The following CREB3L2 variants were observed in gnomAD, a reference collection of about 807,000 sequenced individuals.
The protein encoded by CREB3L2 is cAMP responsive element binding protein 3 like 2.
CREB3L2 carries 23 observed loss-of-function variants against 57.2 expected under a neutral mutation model. The observed-to-expected ratio is 0.40, with a 90% CI of 0.29 to 0.57. The LOEUF is 0.57. CREB3L2 is among the 20% of genes least tolerant of loss of function. The pLI is 0.42. For missense variants in CREB3L2, 628 were observed against 634.7 expected (o/e 0.99, Z 0.11); for synonymous variants, 268 against 265.1 (o/e 1.01, Z -0.11).
chr7:137,939,129 C>A (rs1800840228), intron 1 of CREB3L2, among the ~76,000 whole-genome samples: 1 of 152,174 alleles, frequency 6.6e-6, no homozygotes, highest in Non-Finnish European at 1.5e-5. Flanking sequence ...CAAGAGTATC[C>A]AACAAGTACC....
At chr7:137,935,710 T>A (rs1466898885) in intron 1 of CREB3L2, among the ~76,000 whole-genome samples, 2 of 152,096 alleles carry the variant, frequency 1.3e-5, no homozygotes, top group Non-Finnish European at 2.9e-5. Flanking sequence ...TTCTATAACA[T>A]CCTAACGAAA....
intron 1 of CREB3L2, among the ~76,000 whole-genome samples, chr7:137,947,066 TC>T (rs11344528): frequency 0.063 from 8,544 of 136,032 alleles, 745 homozygotes; most frequent in Admixed American, 0.16. Flanking sequence ...CCCACCGAAA[TC>T]CAAATGTTGA....
rs78541164 is a variant in CREB3L2 at position 137,924,789 on chromosome 7, C to T, written c.319+3361G>A. On this transcript the variant is annotated intron_variant, in intron 2 of 11. Transcript: ENST00000330387. ...TTTCTGGGGGTTTTGAAGGCTGCAC[C>T]TACATTTCTAGGGTTGGCTCCTGTG... 4.6e-3 allele frequency among the ~76,000 whole-genome samples: 705 copies of T among 152,218 alleles called. 4 individuals are homozygous for T. Among genetic ancestry groups the T allele is most frequent in the African/African-American group, 0.016 (659 of 41,540 alleles).
intron 1 of CREB3L2, among the ~76,000 whole-genome samples, chr7:137,929,980 G>A (rs1459753741): frequency 2.0e-5 from 3 of 150,896 alleles, no homozygotes; most frequent in Non-Finnish European, 4.4e-5. Context: ...TGCAAGCTCC[G>A]CCTCCCAGGT....
At chr7:137,992,265 G>T (rs1187126999) in intron 1 of CREB3L2, among the ~76,000 whole-genome samples, 3 of 152,092 alleles carry the variant, frequency 2.0e-5, no homozygotes, top group African/African-American at 7.2e-5. Context: ...CCCACAGGAT[G>T]CCACAGAGGG....
chr7:137,884,986 C>T lies in CREB3L2; in HGVS notation c.1270+9G>A. ...AAGACCCTGCCCAACTTGCCACATG[C>T]TGTCTTACCCACGGAGGCTGTGTAG... On this transcript the variant is annotated intron_variant, in intron 10 of 11. Coordinates refer to ENST00000330387, the MANE Select transcript of CREB3L2 (RefSeq NM_194071.4). 1 of 1,614,194 alleles carries T rather than the reference C, an allele frequency of 6.2e-7. No individual in the cohort carries two copies. The highest frequency in any genetic ancestry group is 1.1e-5 in the South Asian group (1 of 91,084).
chr7:137,959,296 T>C (rs114251359), intron 1 of CREB3L2, among the ~76,000 whole-genome samples: 2,982 of 152,320 alleles, frequency 0.02, 102 homozygotes, highest in African/African-American at 0.068. Flanking sequence ...GTCTCCCTCC[T>C]GGAACCTTCA....
rs1413838399 is a variant in CREB3L2, at chr7:137,875,692, C to T, written c.*4784G>A. ...ACAGGAAGGAATCGGCTCAGCTAGT[C>T]CAGAAATTGCTGCATTTCCCATATT... On this transcript the variant is annotated 3_prime_UTR_variant, in exon 12 of 12. Coordinates refer to ENST00000330387, the MANE Select transcript of CREB3L2 (RefSeq NM_194071.4). The T allele has an allele frequency of 1.6e-5, 3 of 190,494 alleles. No homozygotes were observed. Among genetic ancestry groups the T allele is most frequent in the East Asian group, 1.5e-4 (2 of 13,520 alleles). 11.8% of individuals were successfully genotyped at this position (190,494 alleles called of 1,614,324 possible).
intron 8 of CREB3L2, 68 bp from the exon 9 acceptor site, chr7:137,885,570 T>C: frequency 7.6e-7 from 1 of 1,317,280 alleles, no homozygotes; most frequent in Non-Finnish European, 1.1e-6. Flanking sequence ...TCTCTCCATG[T>C]GACCCAAGAA....
chr7:137,988,839 A>G (rs1366507530), intron 1 of CREB3L2, among the ~76,000 whole-genome samples: 2 of 151,942 alleles, frequency 1.3e-5, no homozygotes, highest in Non-Finnish European at 2.9e-5. Flanking sequence ...CACGCCTGCA[A>G]TCCCAGCACT....
chr7:137,992,856 T>C (rs1323353300), intron 1 of CREB3L2, among the ~76,000 whole-genome samples: 1 of 152,164 alleles, frequency 6.6e-6, no homozygotes, highest in Non-Finnish European at 1.5e-5. Context: ...GAAAAGACTA[T>C]TGGATTTAGC....
At position 138,001,473 on chromosome 7, in the gene CREB3L2, C is replaced by T. The variant is rs1273413012; in HGVS notation, c.102+131G>A. Reference sequence around the variant, plus strand: ...CTCAGACATTAAAGTACACCTCGCCCAGGACCTCTTGATTCTGACCATGCC... The same window carrying T: ...CTCAGACATTAAAGTACACCTCGCCTAGGACCTCTTGATTCTGACCATGCC... On this transcript the variant is annotated intron_variant, in intron 1 of 11. Transcript: ENST00000330387. The surrounding 1 kb of genome is among the most constrained non-coding windows in gnomAD (Gnocchi z 4.2). The T allele has an allele frequency of 3.2e-6, 2 of 633,120 alleles. No homozygotes were observed. The highest frequency in any genetic ancestry group is 1.9e-5 in the African/African-American group (1 of 53,964). The allele number at this position is 633,120 out of a possible 1,614,324, so 39.2% of individuals were successfully genotyped here.
chr7:137,889,198 C>T (rs1340583790), intron 8 of CREB3L2, among the ~76,000 whole-genome samples: 2 of 152,138 alleles, frequency 1.3e-5, no homozygotes, highest in African/African-American at 4.8e-5. Flanking sequence ...CTAGGAGGCT[C>T]CCCAGTGCCT....
intron 1 of CREB3L2, among the ~76,000 whole-genome samples, chr7:137,945,941 T>C (rs1028052245): frequency 2.6e-5 from 4 of 152,202 alleles, no homozygotes; most frequent in African/African-American, 7.2e-5. Flanking sequence ...CCGTTTCTGT[T>C]CTCTCATGAC....
chr7:138,001,224 T>C lies in CREB3L2; in HGVS notation c.102+380A>G, dbSNP rs1445753790. ...GAAAAGGAAATGCTACTTAATCTTG[T>C]CCAGTTTTTGAAAACCTCAAAAAAA... On this transcript the variant is annotated intron_variant, in intron 1 of 11. Coordinates refer to ENST00000330387, the MANE Select transcript of CREB3L2 (RefSeq NM_194071.4). This position sits in a 1 kb window ranked among gnomAD's most constrained non-coding sequence, Gnocchi z 4.2. 6.6e-6 allele frequency among the ~76,000 whole-genome samples: 1 copy of C among 151,694 alleles called. No homozygotes were observed. The highest frequency in any genetic ancestry group is 6.6e-5 in the Admixed American group (1 of 15,238).
intron 1 of CREB3L2, among the ~76,000 whole-genome samples, chr7:137,942,849 T>C (rs146419199): frequency 0.02 from 3,010 of 152,314 alleles, 48 homozygotes; most frequent in Non-Finnish European, 0.03. Context: ...ATAGGACACA[T>C]TTGCCTTCTA....
At chr7:137,960,563 G>A (rs1801300846) in intron 1 of CREB3L2, among the ~76,000 whole-genome samples, 1 of 152,156 alleles carries the variant, frequency 6.6e-6, no homozygotes, top group East Asian at 1.9e-4. Context: ...GTTAGGGTCA[G>A]TGGGATATTA....
rs199798448 is a variant in CREB3L2, at chr7:137,939,141, AC to A, written c.103-10776del. Among the ~76,000 whole-genome samples the A allele has an allele frequency of 6.6e-5, 10 of 152,354 alleles. No individual in the cohort carries two copies. In the East Asian group the frequency reaches 1.9e-3, roughly 29 times the overall value. ...GCCCAAGAGTATCCAACAAGTACCAACAGGAATAAAAATAATGCGAAGAAAA... is the reference window on the plus strand; with the variant it reads ...GCCCAAGAGTATCCAACAAGTACCAAAGGAATAAAAATAATGCGAAGAAAA... On this transcript the variant is annotated intron_variant, in intron 1 of 11. Transcript: ENST00000330387.
intron 1 of CREB3L2, among the ~76,000 whole-genome samples, chr7:137,934,618 G>T (rs1800739130): frequency 6.6e-6 from 1 of 152,158 alleles, no homozygotes; most frequent in Non-Finnish European, 1.5e-5. Flanking sequence ...GCTAGATAAA[G>T]ATAGGCTCAC....
Sources: allele counts gnomAD v4.1 joint callset (sites outside exome capture counted in the v4.1 genomes callset), GRCh38; gene constraint gnomAD v4.1.1; non-coding constraint Gnocchi (gnomAD v3.1); transcripts MANE v1.5; gene names NCBI Gene and HGNC (gene_info 2026-07-23, HGNC 2026-07-21).